EP400: variants seen among roughly 807,000 people sequenced by gnomAD.
EP400 encodes the protein E1A-binding protein p400.
Under a neutral mutation model 354.1 loss-of-function variants are expected in EP400, and 105 were observed. The ratio of observed to expected loss-of-function variants is 0.30; its 90% CI spans 0.25 to 0.35. The LOEUF (loss-of-function observed/expected upper bound fraction) is 0.35. Among genes scored for constraint, EP400 ranks in the 10% least tolerant of loss-of-function variants. The pLI, the probability that EP400 is intolerant of heterozygous loss-of-function variation, is 1.00. For missense variants in EP400, 3,280 were observed against 4,121.0 expected, an observed-to-expected ratio of 0.80 and a Z score of 5.59; for synonymous variants, 1,646 against 1,716.9, an observed-to-expected ratio of 0.96 and a Z score of 1.02.
chr12:132,037,662 C>T lies in EP400; in HGVS notation c.5952-20C>T. 6.2e-7 allele frequency: 1 copy of T among 1,604,536 alleles called. No individual in the cohort carries two copies. On this transcript the variant is annotated intron_variant, in intron 30 of 52. Coordinates refer to ENST00000389561, the MANE Select transcript of EP400 (RefSeq NM_015409.5). ...TGTTTCCTGGTGACTGACTTAGCATCTTACATCTTTTGTTTGCAGGCTTGT... is the reference window on the plus strand; with the variant it reads ...TGTTTCCTGGTGACTGACTTAGCATTTTACATCTTTTGTTTGCAGGCTTGT...
intron 2 of EP400, among the ~76,000 whole-genome samples, chr12:131,964,468 A>AAAAC (rs555708249): frequency 1.1e-4 from 17 of 152,258 alleles, no homozygotes; most frequent in East Asian, 1.9e-4. Flanking sequence ...CTCCGTCTCA[A>AAAAC]AAACAAACAA....
chr12:131,989,772 A>C (rs1428875158), intron 7 of EP400, among the ~76,000 whole-genome samples, 192 bp from the exon 8 acceptor site: 1 of 152,212 alleles, frequency 6.6e-6, no homozygotes, highest in Non-Finnish European at 1.5e-5. Flanking sequence ...TAGAAAAGTC[A>C]AGCTAAATAT....
intron 12 of EP400, among the ~76,000 whole-genome samples, chr12:131,998,703 T>C (rs1893298191): frequency 9.6e-6 from 1 of 104,122 alleles, no homozygotes; most frequent in East Asian, 3.5e-4. Context: ...TTGTATACAG[T>C]CTTGTATACA....
chr12:132,062,719 G>C lies in EP400; in HGVS notation c.8334+18G>C. On this transcript the variant is annotated intron_variant, in intron 47 of 52. Coordinates refer to ENST00000389561, the MANE Select transcript of EP400 (RefSeq NM_015409.5). The stretch of plus-strand genomic sequence containing the variant: ...TGACGCCGGTGAGCATTTCCCAGAG[G>C]ACCATGAACGTGTGCGTCTTGCGGT... 2 of 1,610,686 alleles carry C rather than the reference G, an allele frequency of 1.2e-6. No individual in the cohort carries two copies. The highest frequency in any genetic ancestry group is 4.5e-5 in the East Asian group (2 of 44,788).
Position 132,023,787 on chromosome 12 carries a change from A to T in EP400, c.4701A>T (p.Val1567=). 1 of 1,613,210 alleles carries T rather than the reference A, an allele frequency of 6.2e-7. No individual in the cohort carries two copies. Among genetic ancestry groups the T allele is most frequent in the Non-Finnish European group, 8.5e-7 (1 of 1,179,772 alleles). ...TCTACGTTTCAACAGGTGGAGAGGTAGTGAAAATAGCTCAGCTGGCATCCA... is the reference window on the plus strand; with the variant it reads ...TCTACGTTTCAACAGGTGGAGAGGTTGTGAAAATAGCTCAGCTGGCATCCA... ...QAQARLPSGE[V]VKIAQLASIT... Residue 1567 remains valine (V), a synonymous_variant, in exon 24 of 53, where the codon GTA becomes GTT. Coordinates refer to ENST00000389561, the MANE Select transcript of EP400 (RefSeq NM_015409.5).
intron 50 of EP400, 131 bp from the exon 51 acceptor site, chr12:132,069,364 G>A: frequency 1.5e-6 from 2 of 1,311,818 alleles, no homozygotes; most frequent in Non-Finnish European, 2.1e-6. Flanking sequence ...ATGTGGGTAT[G>A]CACAGGGTTG....
chr12:132,071,325 C>T (rs893425909), intron 51 of EP400, among the ~76,000 whole-genome samples: 1 of 152,142 alleles, frequency 6.6e-6, no homozygotes, highest in African/African-American at 2.4e-5. Flanking sequence ...ACTTACTGTC[C>T]TGAGTTCCAG....
chr12:131,981,366 AT>A, intron 3 of EP400, 122 bp from the exon 4 acceptor site: 1 of 688,046 alleles, frequency 1.5e-6, no homozygotes, highest in Non-Finnish European at 2.5e-6. Context: ...TGGCTTCTGG[AT>A]TTTAGTTCAT....
Position 132,013,569 on chromosome 12 carries a change from C to T in EP400, c.3691C>T (p.Pro1231Ser). 6.2e-7 allele frequency: 1 copy of T among 1,613,794 alleles called. No individual in the cohort carries two copies. Among genetic ancestry groups the T allele is most frequent in the South Asian group, 1.1e-5 (1 of 91,004 alleles). ...CTGGACCATGGTGCACTTCCTGGTC[C>T]CAGGGATCTCCAGGCCCTACCTGAG... ...ELWTMVHFLV[P>S]GISRPYLSSP... The change falls in exon 18 of 53, where the codon CCA (proline) becomes TCA (serine). Residue 1231 changes from proline to serine, a missense_variant. By Grantham distance (74) the Pro-to-Ser change is moderately conservative. Transcript: ENST00000389561. The surrounding 1 kb of genome is among the most constrained non-coding windows in gnomAD (Gnocchi z 4.5).
In EP400 at chr12:131,968,255, C is replaced by T. The variant is rs975508467; in HGVS notation, c.1335+6301C>T. Among the ~76,000 whole-genome samples the T allele has an allele frequency of 7.9e-5, 12 of 152,138 alleles. No homozygotes were observed. In the East Asian group the frequency reaches 1.9e-3, roughly 24 times the overall value. ...ACTTTTAGATCTATGATTTATTTTG[C>T]GTAAAATTTTGTGTAACATGGCAAA... On this transcript the variant is annotated intron_variant, in intron 2 of 52. Coordinates refer to ENST00000389561, the MANE Select transcript of EP400 (RefSeq NM_015409.5).
rs149894039 is a variant in EP400 at position 131,981,590 on chromosome 12, G to A, written c.1537G>A (p.Ala513Thr). ...TCCTCTCCAGCAACTAATGCCGACC[G>A]CACAAGGTAAGGCCCAGCAGCAGAG... ...GVPLQQLMPT[A>T]QGGMPPTPQA... Residue 513 changes from alanine to threonine, a missense_variant, in exon 4 of 53, where the codon GCA (alanine) becomes ACA (threonine). Coordinates refer to ENST00000389561, the MANE Select transcript of EP400 (RefSeq NM_015409.5). The A allele has an allele frequency of 2.1e-4, 333 of 1,594,140 alleles. No individual in the cohort carries two copies. Among genetic ancestry groups the A allele is most frequent in the Non-Finnish European group, 2.6e-4 (310 of 1,170,592 alleles).
chr12:132,005,393 A>T (rs1845928870), intron 13 of EP400, among the ~76,000 whole-genome samples: 1 of 152,172 alleles, frequency 6.6e-6, no homozygotes, highest in Non-Finnish European at 1.5e-5. Flanking sequence ...GCACTTGATC[A>T]TGTTGTGAAG....
chr12:132,030,352 AG>A (rs1480867855), intron 29 of EP400, among the ~76,000 whole-genome samples, 194 bp downstream of exon 29: 1 of 152,252 alleles, frequency 6.6e-6, no homozygotes, highest in Non-Finnish European at 1.5e-5. Flanking sequence ...AGGTAAATGC[AG>A]TCTTGATGTC....
chr12:132,041,936 A>C (rs541977731), intron 32 of EP400, among the ~76,000 whole-genome samples: 1 of 134,800 alleles, frequency 7.4e-6, no homozygotes, highest in East Asian at 2.1e-4. Context: ...GATTTTCTCT[A>C]TTTCTTTTTT....
At position 132,028,112 on chromosome 12, in the gene EP400, G is replaced by A; in HGVS notation, c.5205G>A (p.Leu1735=). The change falls in exon 27 of 53, where the codon TTG becomes TTA. Residue 1735 remains leucine, a synonymous_variant. Transcript: ENST00000389561. ...AAGCTCCAGTCTATGGCAGAGACTT[G>A]CTAAGGATTTGTGCCCTGCCTAGCC... is the stretch of plus-strand genomic sequence containing the variant. The part of the protein sequence containing the change: ...CSQAPVYGRD[L]LRICALPSHG... 1 of 1,614,250 alleles carries A rather than the reference G, an allele frequency of 6.2e-7. No homozygotes were observed. Among genetic ancestry groups the A allele is most frequent in the Non-Finnish European group, 8.5e-7 (1 of 1,180,052 alleles).
At position 132,027,394 on chromosome 12, in the gene EP400, G is replaced by C; in HGVS notation, c.5015-43G>C. On this transcript the variant is annotated intron_variant, in intron 25 of 52. Transcript: ENST00000389561. This position sits in a 1 kb window ranked among gnomAD's most constrained non-coding sequence, Gnocchi z 4.9. ...ATGCTGGTGTCAGATGAAATCCTGT[G>C]AACTTGGCGTTCCTTTTCACCTCTT... The C allele has an allele frequency of 6.2e-7, 1 of 1,601,778 alleles. No individual in the cohort carries two copies. The highest frequency in any genetic ancestry group is 8.6e-7 in the Non-Finnish European group (1 of 1,169,244).
At chr12:131,950,314 G>A (rs1444900331) in intron 1 of EP400, among the ~76,000 whole-genome samples, 1 of 152,126 alleles carries the variant, frequency 6.6e-6, no homozygotes. Context: ...GGGCTCCTGG[G>A]CTGGGGGCGT....
At chr12:131,955,529 G>T (rs1404994398) in intron 1 of EP400, among the ~76,000 whole-genome samples, 1 of 152,160 alleles carries the variant, frequency 6.6e-6, no homozygotes, top group African/African-American at 2.4e-5. Context: ...TGATCCACCC[G>T]CCTCAGCCTC....
Position 132,044,824 on chromosome 12 carries a change from C to G in EP400, c.6655C>G (p.Gln2219Glu). 6.2e-7 allele frequency: 1 copy of G among 1,614,196 alleles called. No individual in the cohort carries two copies. Residue 2219 changes from glutamine to glutamate, a missense_variant, in exon 37 of 53, where the codon CAG becomes GAG. Physicochemically the swap from Gln to Glu is conservative, Grantham distance 29. Around this residue, in one of 20 missense-constraint regions of EP400, gnomAD observed 231 missense variants for 257.9 expected, o/e 0.90. Coordinates refer to ENST00000389561, the MANE Select transcript of EP400 (RefSeq NM_015409.5). ...GCTCTGGACCCCACCCACCCCGCCG[C>G]AGGACGACAGCGACATCTACCTCGA... The part of the protein sequence containing the change: ...MPLWTPPTPP[Q>E]DDSDIYLDSV...
Sources: gnomAD v4.1 joint callset for allele counts (sites outside exome capture counted in the v4.1 genomes callset) on GRCh38, gnomAD v4.1.1 for gene constraint, gnomAD v4.1.1 regional missense constraint, Gnocchi (gnomAD v3.1) non-coding constraint, MANE v1.5 for transcripts, NCBI Gene and HGNC (gene_info 2026-07-23, HGNC 2026-07-21) for gene names.